Variants in ABCB7 observed in about 807,000 individuals in gnomAD.
ABCB7 encodes the protein iron-sulfur clusters transporter ABCB7, mitochondrial.
ABCB7 carries 7 observed loss-of-function variants against 54.4 expected under a neutral mutation model. The ratio of observed to expected loss-of-function variants is 0.13; its 90% CI spans 0.07 to 0.24. ABCB7 has a LOEUF of 0.24. ABCB7 is among the 10% of genes least tolerant of loss of function. The probability of loss-of-function intolerance (pLI) is 1.00; values close to 1 mark genes in which losing one functional copy is unlikely to be tolerated. For missense variants in ABCB7, 356 were observed against 570.4 expected, an observed-to-expected ratio of 0.62 and a Z score of 3.83; for synonymous variants, 218 against 207.1, an observed-to-expected ratio of 1.05 and a Z score of -0.45.
intron 1 of ABCB7, among the ~76,000 whole-genome samples, chrX:75,131,231 G>A (rs1390861265): frequency 9.2e-6 from 1 of 108,641 alleles, no homozygotes; most frequent in Non-Finnish European, 1.9e-5. Context: ...GATGCAAAAA[G>A]AAAATGGAGT....
At chrX:75,081,920 A>G (rs543758541) in intron 4 of ABCB7, among the ~76,000 whole-genome samples, 1 of 110,727 alleles carries the variant, frequency 9.0e-6, no homozygotes, top group African/African-American at 3.3e-5. Context: ...AAAATAGACT[A>G]AAGAAAAAAA....
Position 75,053,475 on chromosome X carries a change from G to C in ABCB7, c.2154C>G (p.Pro718=). ...QSSRVQNHDN[P]KWEAKKENIS... is the part of the protein sequence containing the mutation. ...TATTTTCTTTCTTTGCTTCCCATTT[G>C]GGGTTATCATGGTTCTGCACACGGC... is the stretch of plus-strand genomic sequence containing the variant. Residue 718 remains proline (P), a synonymous_variant, in exon 16 of 16, where the codon CCC becomes CCG. Transcript: ENST00000373394. 2.5e-6 allele frequency: 3 copies of C among 1,210,702 alleles called. No homozygotes were observed. Among genetic ancestry groups the C allele is most frequent in the South Asian group, 1.8e-5 (1 of 56,935 alleles).
At chrX:75,153,424 G>A (rs1031225713) in intron 1 of ABCB7, among the ~76,000 whole-genome samples, 2 of 110,565 alleles carry the variant, frequency 1.8e-5, no homozygotes, top group Non-Finnish European at 3.8e-5. Context: ...TATAGAATAG[G>A]AGGATTATTT....
chrX:75,147,336 T>G (rs2082099057), intron 1 of ABCB7, among the ~76,000 whole-genome samples: 3 of 111,853 alleles, frequency 2.7e-5, no homozygotes, highest in African/African-American at 9.8e-5. Context: ...CCCCAAGGAA[T>G]ATAAATCATT....
intron 3 of ABCB7, among the ~76,000 whole-genome samples, chrX:75,110,354 C>T (rs763703239): frequency 2.3e-4 from 26 of 111,798 alleles, no homozygotes; most frequent in African/African-American, 7.8e-4. Flanking sequence ...CCATGTCATC[C>T]AGGTATGCTT....
chrX:75,075,614 A>C lies in ABCB7; in HGVS notation c.603T>G (p.Ala201=). The change falls in exon 6 of 16, where the codon GCT becomes GCG. Residue 201 remains alanine, a synonymous_variant. Transcript: ENST00000373394. The part of the protein sequence containing the change: ...AVLIGYGVSR[A]GAAFFNEVRN... ...GAACTTCGTTAAAAAAAGCAGCTCC[A>C]GCTCTTGATACACCATCTAACAATA... The C allele has an allele frequency of 2.5e-6, 3 of 1,208,404 alleles. No individual in the cohort carries two copies. Among genetic ancestry groups the C allele is most frequent in the Non-Finnish European group, 3.4e-6 (3 of 892,590 alleles).
Position 75,127,273 on chromosome X carries a change from T to C in ABCB7, c.169-12442A>G, listed in dbSNP as rs754177812. Among the ~76,000 whole-genome samples the C allele has an allele frequency of 4.5e-5, 5 of 111,816 alleles. No individual in the cohort carries two copies. The East Asian group carries it at 1.4e-3, about 31-fold the overall frequency. ...TTCAATATACGCAAATCAGTAAATG[T>C]AATCCATCACACAAACAGAACCAAT... On this transcript the variant is annotated intron_variant, in intron 1 of 15. Coordinates refer to ENST00000373394, the MANE Select transcript of ABCB7 (RefSeq NM_001271696.3).
intron 1 of ABCB7, among the ~76,000 whole-genome samples, chrX:75,148,077 C>T (rs1298505356): frequency 2.7e-5 from 3 of 111,440 alleles, no homozygotes; most frequent in Admixed American, 9.5e-5. Context: ...GATTGTGCCA[C>T]TGCATTCCAA....
At chrX:75,140,755 A>G (rs1356323173) in intron 1 of ABCB7, among the ~76,000 whole-genome samples, 1 of 111,269 alleles carries the variant, frequency 9.0e-6, no homozygotes, top group East Asian at 2.8e-4. Context: ...TCCCACCTTC[A>G]CTTTCTGACC....
chrX:75,141,290 T>C (rs1231079600), intron 1 of ABCB7, among the ~76,000 whole-genome samples: 2 of 111,800 alleles, frequency 1.8e-5, no homozygotes, highest in African/African-American at 6.5e-5. Context: ...GGGTTCATTG[T>C]AGAAAATTTG....
Position 75,069,124 on chromosome X carries a change from T to C in ABCB7, c.1542A>G (p.Ile514Met). Residue 514 changes from isoleucine (I) to methionine (M), a missense_variant, in exon 12 of 16, where the codon ATA (isoleucine) becomes ATG (methionine). Ile to Met is a conservative substitution (Grantham distance 10). Coordinates refer to ENST00000373394, the MANE Select transcript of ABCB7 (RefSeq NM_001271696.3). The part of the protein sequence containing the change: ...VGGSGSGKST[I>M]VRLLFRFYEP... ...CATAGAAGCGAAATAATAGCCTCAC[T>C]ATTGTGCTTTTCCTGAAATTGGAGA... 8.3e-7 allele frequency: 1 copy of C among 1,210,895 alleles called. No homozygotes were observed. Among genetic ancestry groups the C allele is most frequent in the East Asian group, 3.0e-5 (1 of 33,831 alleles).
At chrX:75,147,852 A>G (rs2082103125) in intron 1 of ABCB7, among the ~76,000 whole-genome samples, 2 of 112,830 alleles carry the variant, frequency 1.8e-5, no homozygotes, top group Admixed American at 1.9e-4. Context: ...GTGGTGGCTC[A>G]GGCCTGTAAT....
chrX:75,113,061 C>T (rs1416478793), intron 2 of ABCB7, 89 bp from the exon 3 acceptor site: 9 of 783,186 alleles, frequency 1.1e-5, no homozygotes, highest in African/African-American at 4.1e-5. Context: ...ATCTAATGAA[C>T]GTTTCCAAAA....
chrX:75,055,553 CAAAA>C (rs59851777), intron 15 of ABCB7, among the ~76,000 whole-genome samples: 3 of 21,754 alleles, frequency 1.4e-4, no homozygotes, highest in Non-Finnish European at 3.3e-4. Flanking sequence ...CCATCTCTAC[CAAAA>C]AAAAAAAAAA....
chrX:75,155,935 C>T (rs181667441), intron 1 of ABCB7, among the ~76,000 whole-genome samples, 170 bp downstream of exon 1: 1 of 111,639 alleles, frequency 9.0e-6, no homozygotes, highest in Admixed American at 9.5e-5. Flanking sequence ...AGGTTTTCTT[C>T]TTCGCCCTTT....
At chrX:75,132,068 G>A (rs1299238400) in intron 1 of ABCB7, among the ~76,000 whole-genome samples, 1 of 110,730 alleles carries the variant, frequency 9.0e-6, no homozygotes, top group African/African-American at 3.3e-5. Context: ...GGGGCTGCGC[G>A]TAGCTTCCCC....
chrX:75,094,019 C>CATATAT (rs199523853), intron 4 of ABCB7, among the ~76,000 whole-genome samples: 1,344 of 45,192 alleles, frequency 0.03, 43 homozygotes, highest in East Asian at 0.098. Flanking sequence ...CTGTTATATA[C>CATATAT]ATATATATAT....
At chrX:75,108,657 A>C (rs1031324723) in intron 3 of ABCB7, among the ~76,000 whole-genome samples, 2 of 110,818 alleles carry the variant, frequency 1.8e-5, no homozygotes, top group African/African-American at 6.5e-5. Context: ...ATAGTAACAA[A>C]ATTTTATTTA....
At chrX:75,154,819 A>G (rs2082161197) in intron 1 of ABCB7, among the ~76,000 whole-genome samples, 1 of 107,040 alleles carries the variant, frequency 9.3e-6, no homozygotes, top group South Asian at 4.3e-4. Flanking sequence ...ATTAATTTAC[A>G]TATTTCCCAC....
Sources: allele counts gnomAD v4.1 joint callset (sites outside exome capture counted in the v4.1 genomes callset), GRCh38; gene constraint gnomAD v4.1.1; transcripts MANE v1.5; gene names NCBI Gene and HGNC (gene_info 2026-07-23, HGNC 2026-07-21).